Variants in PHF20L1 observed in about 807,000 individuals in gnomAD.
PHF20L1 encodes the protein PHD finger protein 20 like 1.
A neutral mutation model predicts 125.5 loss-of-function variants in PHF20L1; 44 were observed. The observed-to-expected ratio is 0.35, with a 90% CI of 0.28 to 0.45. The LOEUF (loss-of-function observed/expected upper bound fraction) is 0.45. Ranked by LOEUF, PHF20L1 falls within the 20% of genes least tolerant of loss-of-function variation. The pLI is 1.00. For missense variants in PHF20L1, 1,012 were observed against 1,217.2 expected, an observed-to-expected ratio of 0.83 and a Z score of 2.51; for synonymous variants, 380 against 403.1, an observed-to-expected ratio of 0.94 and a Z score of 0.69.
intron 12 of PHF20L1, 176 bp downstream of exon 12, chr8:132,817,721 A>G: frequency 1.7e-6 from 1 of 571,904 alleles, no homozygotes; most frequent in Non-Finnish European, 3.1e-6. Context: ...CTTTTGTGTG[A>G]TCATTTTACA....
chr8:132,842,293 C>A, intron 18 of PHF20L1: 1 of 405,208 alleles, frequency 2.5e-6, no homozygotes. Context: ...GAACTATCAA[C>A]ACAATTAAAT....
chr8:132,797,939 A>G (rs1832605016), intron 4 of PHF20L1, among the ~76,000 whole-genome samples: 1 of 152,096 alleles, frequency 6.6e-6, no homozygotes, highest in Non-Finnish European at 1.5e-5. Context: ...AGGAAATGAC[A>G]GGAAAACATT....
At chr8:132,823,141 TGTATAA>T (rs1835781194) in intron 12 of PHF20L1, among the ~76,000 whole-genome samples, 1 of 152,006 alleles carries the variant, frequency 6.6e-6, no homozygotes, top group African/African-American at 2.4e-5. Context: ...AATATTTTAA[TGTATAA>T]GTATGTCTTT....
At position 132,817,550 on chromosome 8, in the gene PHF20L1, AAG is replaced by A; in HGVS notation, c.1579+7_1579+8del. 1 of 1,600,380 alleles carries A rather than the reference AAG, an allele frequency of 6.2e-7. No individual in the cohort carries two copies. The highest frequency in any genetic ancestry group is 1.1e-5 in the South Asian group (1 of 89,542). On this transcript the variant is annotated splice_donor_region_variant and intron_variant, in intron 12 of 20. Transcript: ENST00000395386. ...GAGGAGCTCCAGCAGCAGCAGGTAA[AAG>A]AAAAAAAATAAAGGCTCCTATAAGT...
intron 20 of PHF20L1, 118 bp from the exon 21 acceptor site, chr8:132,845,663 T>C (rs1408655175): frequency 7.1e-6 from 5 of 701,492 alleles, no homozygotes; most frequent in Non-Finnish European, 1.2e-5. Context: ...ATGTTGGCCT[T>C]CTAAAGATGG....
chr8:132,833,029 G>A (rs981738026), intron 15 of PHF20L1, among the ~76,000 whole-genome samples: 6 of 152,168 alleles, frequency 3.9e-5, no homozygotes, highest in African/African-American at 1.4e-4. Context: ...GGAAAGTGTT[G>A]AAGACTCTTA....
chr8:132,822,046 C>A (rs1031986425), intron 12 of PHF20L1, among the ~76,000 whole-genome samples: 1 of 151,878 alleles, frequency 6.6e-6, no homozygotes, highest in Non-Finnish European at 1.5e-5. Context: ...TAAAGTCCTG[C>A]CGTTGCATAT....
intron 14 of PHF20L1, chr8:132,826,586 C>T (rs1836206422): frequency 6.6e-6 from 1 of 151,982 alleles, no homozygotes; most frequent in Non-Finnish European, 1.5e-5. Flanking sequence ...TAATATTTCA[C>T]TTATATAAAG....
chr8:132,836,863 A>G (rs1587072087), intron 16 of PHF20L1, 142 bp downstream of exon 16: 1 of 626,366 alleles, frequency 1.6e-6, no homozygotes, highest in Non-Finnish European at 2.8e-6. Flanking sequence ...ACCCATAGTA[A>G]TGATTAGGAG....
chr8:132,776,337 A>G (rs1274427565), intron 1 of PHF20L1, among the ~76,000 whole-genome samples: 1 of 152,176 alleles, frequency 6.6e-6, no homozygotes, highest in Non-Finnish European at 1.5e-5. Flanking sequence ...TACCTTGTGA[A>G]CTATCCCTTA....
chr8:132,844,251 T>C lies in PHF20L1; in HGVS notation c.2844T>C (p.Leu948=). 1 of 1,612,784 alleles carries C rather than the reference T, an allele frequency of 6.2e-7. No homozygotes were observed. ...ATCTTCAGTGGCAGCTCAATCTCCT[T>C]ACACACATAGAAAATGTGCAGAACG... The part of the protein sequence containing the change: ...DSHLQWQLNL[L]THIENVQNEV... Residue 948 remains leucine (L), a synonymous_variant, in exon 20 of 21, where the codon CTT becomes CTC. Coordinates refer to ENST00000395386, the MANE Select transcript of PHF20L1 (RefSeq NM_016018.5).
At chr8:132,786,945 A>G (rs1831109582) in intron 2 of PHF20L1, among the ~76,000 whole-genome samples, 2 of 152,236 alleles carry the variant, frequency 1.3e-5, no homozygotes, top group South Asian at 4.1e-4. Context: ...CAAATTAACT[A>G]TCTGTAGTAA....
intron 2 of PHF20L1, among the ~76,000 whole-genome samples, chr8:132,780,326 A>G (rs1830285276): frequency 6.6e-6 from 1 of 152,162 alleles, no homozygotes; most frequent in African/African-American, 2.4e-5. Flanking sequence ...ATTTATAAAT[A>G]GGATAATAAA....
intron 2 of PHF20L1, 47 bp downstream of exon 2, chr8:132,777,958 C>A: frequency 8.9e-7 from 1 of 1,126,516 alleles, no homozygotes; most frequent in Non-Finnish European, 1.3e-6. Flanking sequence ...ATATCTGTAG[C>A]CTTACATATG....
chr8:132,815,209 A>G (rs1364637365), intron 10 of PHF20L1: 2 of 176,006 alleles, frequency 1.1e-5, no homozygotes, highest in African/African-American at 2.4e-5. Flanking sequence ...AAGACCCAGG[A>G]TAGCTATTTT....
chr8:132,846,990 C>CA lies in PHF20L1; in HGVS notation c.*1071dup, dbSNP rs1268258036. ...TATTTTTAAAAAATACATGCACACT[C>CA]AAAACTTTTAGCTTTGATCACAAGT... is the stretch of plus-strand genomic sequence containing the variant. On this transcript the variant is annotated 3_prime_UTR_variant, in exon 21 of 21. Coordinates refer to ENST00000395386, the MANE Select transcript of PHF20L1 (RefSeq NM_016018.5). 5.9e-5 allele frequency: 9 copies of CA among 152,506 alleles called. No individual in the cohort carries two copies. Among genetic ancestry groups the CA allele is most frequent in the Admixed American group, 1.3e-4 (2 of 15,264 alleles). The allele number at this position is 152,506 out of a possible 1,614,324, so 9.4% of individuals were successfully genotyped here.
intron 15 of PHF20L1, among the ~76,000 whole-genome samples, chr8:132,833,611 G>A (rs1346693493): frequency 6.6e-6 from 1 of 152,010 alleles, no homozygotes; most frequent in Non-Finnish European, 1.5e-5. Context: ...GAGAAGCAGA[G>A]GTTGATAATC....
chr8:132,817,620 G>T (rs1322395814), intron 12 of PHF20L1, 75 bp downstream of exon 12: 18 of 948,024 alleles, frequency 1.9e-5, no homozygotes, highest in Non-Finnish European at 2.8e-5. Context: ...TAAACATTTT[G>T]AGGTTTAACT....
chr8:132,791,523 G>T (rs1199329769), intron 2 of PHF20L1, among the ~76,000 whole-genome samples: 1 of 152,066 alleles, frequency 6.6e-6, no homozygotes, highest in South Asian at 2.1e-4. Flanking sequence ...AAAGTGCTGG[G>T]ATTACAGGCA....
Sources: allele counts gnomAD v4.1 joint callset (sites outside exome capture counted in the v4.1 genomes callset), GRCh38; gene constraint gnomAD v4.1.1; transcripts MANE v1.5; gene names NCBI Gene and HGNC (gene_info 2026-07-23, HGNC 2026-07-21).